The following CLTC variants were observed in gnomAD, a reference collection of about 807,000 sequenced individuals.
CLTC encodes clathrin heavy chain 1.
A neutral mutation model predicts 195.8 loss-of-function variants in CLTC; 16 were observed. That is an observed-to-expected ratio of 0.08 (90% CI 0.06 to 0.12). The LOEUF (loss-of-function observed/expected upper bound fraction) is 0.12, where lower values mean the gene tolerates loss of function less well. Among genes scored for constraint, CLTC ranks in the 10% least tolerant of loss-of-function variants. CLTC has a pLI of 1.00. For missense variants in CLTC, 796 were observed against 2,027.0 expected (o/e 0.39, Z 11.66); for synonymous variants, 667 against 689.4 (o/e 0.97, Z 0.51).
At chr17:59,623,665 A>G (rs1462356967) in intron 1 of CLTC, among the ~76,000 whole-genome samples, 3 of 152,190 alleles carry the variant, frequency 2.0e-5, no homozygotes, top group Non-Finnish European at 2.9e-5. Context: ...TGTTTTTTCC[A>G]TACATATGTT....
intron 16 of CLTC, among the ~76,000 whole-genome samples, chr17:59,675,881 G>A (rs1197438706): frequency 6.6e-6 from 1 of 152,176 alleles, no homozygotes; most frequent in Non-Finnish European, 1.5e-5. Flanking sequence ...AGTTGACATG[G>A]CGTATCTTGG....
Position 59,690,664 on chromosome 17 carries a change from T to A in CLTC, c.4856T>A (p.Leu1619Gln). ...KVDKLDASES[L>Q]RKEEEQATET... ...GATAAATTAGATGCTTCAGAATCACTGAGAAAAGAAGAAGAACAAGCTACA... is the reference window on the plus strand; with the variant it reads ...GATAAATTAGATGCTTCAGAATCACAGAGAAAAGAAGAAGAACAAGCTACA... The change falls in exon 31 of 32, where the codon CTG (leucine) becomes CAG (glutamine). Residue 1619 changes from leucine to glutamine, a missense_variant. Leu to Gln is a moderately radical substitution (Grantham distance 113). Transcript: ENST00000269122. 1 of 1,613,288 alleles carries A rather than the reference T, an allele frequency of 6.2e-7. No homozygotes were observed. The highest frequency in any genetic ancestry group is 1.7e-5 in the Admixed American group (1 of 59,952).
intron 1 of CLTC, among the ~76,000 whole-genome samples, chr17:59,643,135 GTGTGT>G (rs1567939304): frequency 1.1e-4 from 15 of 138,676 alleles, no homozygotes; most frequent in South Asian, 9.0e-4. Flanking sequence ...TTTCTGGGGT[GTGTGT>G]GTGTGTGTGT....
chr17:59,667,019 T>C, intron 13 of CLTC, 42 bp downstream of exon 13: 3 of 1,524,176 alleles, frequency 2.0e-6, no homozygotes, highest in Non-Finnish European at 2.7e-6. Flanking sequence ...GTACTTAAGG[T>C]AGCCAAGAAG....
intron 1 of CLTC, among the ~76,000 whole-genome samples, chr17:59,629,029 A>G (rs1239840723): frequency 6.6e-6 from 1 of 152,178 alleles, no homozygotes; most frequent in Non-Finnish European, 1.5e-5. Flanking sequence ...ACCAAAGTGG[A>G]CAGACTGAAG....
At chr17:59,627,433 TCA>T (rs746326423) in intron 1 of CLTC, among the ~76,000 whole-genome samples, 34 of 152,314 alleles carry the variant, frequency 2.2e-4, no homozygotes, top group South Asian at 6.2e-4. Context: ...ACTTTTAGAG[TCA>T]CACAGCTAGT....
rs544694759 is a variant in CLTC at position 59,694,747 on chromosome 17, A to C, written c.*895A>C. On this transcript the variant is annotated 3_prime_UTR_variant, in exon 32 of 32. Transcript: ENST00000269122. The stretch of plus-strand genomic sequence containing the variant: ...ATTTGAAATTACTCAAATTTAAAAT[A>C]AATTACTGGACTGTGGAAATAACAT... 4.4e-6 allele frequency: 1 copy of C among 225,498 alleles called. No individual in the cohort carries two copies. Among genetic ancestry groups the C allele is most frequent in the African/African-American group, 2.2e-5 (1 of 45,054 alleles). The allele number at this position is 225,498 out of a possible 1,614,324, so 14.0% of individuals were successfully genotyped here. A position where few individuals can be genotyped will look rare whatever the true frequency, so the allele number is the denominator to read the frequency against.
chr17:59,657,339 T>C (rs2032496005), intron 6 of CLTC, among the ~76,000 whole-genome samples: 1 of 152,162 alleles, frequency 6.6e-6, no homozygotes, highest in Non-Finnish European at 1.5e-5. Context: ...GCTGTTGCAG[T>C]CACTATTCAT....
Position 59,681,918 on chromosome 17 carries a change from T to C in CLTC, c.3442+79T>C. 7.8e-7 allele frequency: 1 copy of C among 1,288,638 alleles called. No homozygotes were observed. The allele number at this position is 1,288,638 out of a possible 1,614,324, so 79.8% of individuals were successfully genotyped here. A position where few individuals can be genotyped will look rare whatever the true frequency, so the allele number is the denominator to read the frequency against. On this transcript the variant is annotated intron_variant, in intron 21 of 31. Transcript: ENST00000269122. This position sits in a 1 kb window ranked among gnomAD's most constrained non-coding sequence, Gnocchi z 5.0. ...TTAAGATATCTGTCTATTCTGAATTTTAGAAGAGTTGGATACTGCATGGTT... is the reference window on the plus strand; with the variant it reads ...TTAAGATATCTGTCTATTCTGAATTCTAGAAGAGTTGGATACTGCATGGTT...
In CLTC at chr17:59,693,727, G is replaced by C. The variant is rs781677731; in HGVS notation, c.4904-1G>C. The C allele has an allele frequency of 6.2e-7, 1 of 1,611,586 alleles. No homozygotes were observed. Among genetic ancestry groups the C allele is most frequent in the Non-Finnish European group, 8.5e-7 (1 of 1,178,936 alleles). On this transcript the variant is annotated splice_acceptor_variant, in intron 31 of 31. Coordinates refer to ENST00000269122, the MANE Select transcript of CLTC (RefSeq NM_004859.4). LOFTEE classifies it high-confidence loss of function. ...CTCCTTTTTGTTTTCTTCTACTGTA[G>C]GTCAGCCCCAGTTGATGCTGACAGC...
rs75124140 is a variant in CLTC at position 59,662,060 on chromosome 17, A to G, written c.1368+417A>G. Among the ~76,000 whole-genome samples, 560 of 151,946 alleles carry G rather than the reference A, an allele frequency of 3.7e-3. 7 individuals are homozygous for G. The highest frequency in any genetic ancestry group is 0.022 in the East Asian group (114 of 5,152). The stretch of plus-strand genomic sequence containing the variant: ...AGAGGTTGCAGTGAGTTGAGATTGC[A>G]TCACTGCACTCCAGCCTGGGTGATA... On this transcript the variant is annotated intron_variant, in intron 8 of 31. Transcript: ENST00000269122.
chr17:59,634,869 G>T (rs1037577318), intron 1 of CLTC, among the ~76,000 whole-genome samples: 15 of 152,202 alleles, frequency 9.9e-5, no homozygotes, highest in African/African-American at 3.6e-4. Context: ...CATTCTGCTA[G>T]TTTCCAGGAA....
intron 7 of CLTC, among the ~76,000 whole-genome samples, chr17:59,660,989 A>T (rs2032594297): frequency 6.6e-6 from 1 of 152,202 alleles, no homozygotes; most frequent in Admixed American, 6.5e-5. Flanking sequence ...ATTTATTCTT[A>T]TCACTTTTGA....
intron 1 of CLTC, among the ~76,000 whole-genome samples, chr17:59,635,445 A>G (rs2031833566): frequency 6.6e-6 from 1 of 152,226 alleles, no homozygotes; most frequent in South Asian, 2.1e-4. Flanking sequence ...AACTAATCAG[A>G]TGTGAGAACT....
rs765446428 is a variant in CLTC, at chr17:59,694,800, TCAAA to T, written c.*950_*953del. 4.4e-6 allele frequency: 1 copy of T among 226,582 alleles called. No individual in the cohort carries two copies. The highest frequency in any genetic ancestry group is 8.8e-6 in the Non-Finnish European group (1 of 113,862). The allele number at this position is 226,582 out of a possible 1,614,324, so 14.0% of individuals were successfully genotyped here. A position where few individuals can be genotyped will look rare whatever the true frequency, so the allele number is the denominator to read the frequency against. On this transcript the variant is annotated 3_prime_UTR_variant, in exon 32 of 32. Coordinates refer to ENST00000269122, the MANE Select transcript of CLTC (RefSeq NM_004859.4). ...AATTGAAGTTTTAATTAAATACCACTCAAACGAAAAGAACAGTAGTTTTTGTAGT... is the reference window on the plus strand; with the variant it reads ...AATTGAAGTTTTAATTAAATACCACTCGAAAAGAACAGTAGTTTTTGTAGT...
chr17:59,648,531 T>A lies in CLTC; in HGVS notation c.681+130T>A. 1.1e-6 allele frequency: 1 copy of A among 888,608 alleles called. No homozygotes were observed. The highest frequency in any genetic ancestry group is 1.7e-6 in the Non-Finnish European group (1 of 581,704). 55.0% of individuals were successfully genotyped at this position (888,608 alleles called of 1,614,324 possible). ...TTTAGTATTCACATTTGTGGTGACT[T>A]AATTTGTTCAAATTTTGCATCTAGT... On this transcript the variant is annotated intron_variant, in intron 4 of 31. Coordinates refer to ENST00000269122, the MANE Select transcript of CLTC (RefSeq NM_004859.4). This position sits in a 1 kb window ranked among gnomAD's most constrained non-coding sequence, Gnocchi z 4.5.
At chr17:59,660,240 CTTCCT>C (rs1488184348) in intron 6 of CLTC, 146 bp from the exon 7 acceptor site, 2 of 675,592 alleles carry the variant, frequency 3.0e-6, no homozygotes, top group Non-Finnish European at 4.9e-6. Context: ...CCTTGTCTTC[CTTCCT>C]TTCATTATTT....
chr17:59,653,778 C>CT (rs562385929), intron 5 of CLTC, among the ~76,000 whole-genome samples: 2,155 of 142,852 alleles, frequency 0.015, 17 homozygotes, highest in East Asian at 0.035. Flanking sequence ...CCTGGCTGGT[C>CT]TTTTTTTTTT....
chr17:59,656,925 GCCTC>G (rs1389840356), intron 6 of CLTC, among the ~76,000 whole-genome samples: 7 of 151,984 alleles, frequency 4.6e-5, no homozygotes, highest in Admixed American at 2.6e-4. Context: ...ACCCGCCCCA[GCCTC>G]CCAAAGTGCT....
Sources: allele counts gnomAD v4.1 joint callset (sites outside exome capture counted in the v4.1 genomes callset), GRCh38; gene constraint gnomAD v4.1.1; non-coding constraint Gnocchi (gnomAD v3.1); transcripts MANE v1.5; gene names NCBI Gene and HGNC (gene_info 2026-07-23, HGNC 2026-07-21).